DHX30: variants seen among roughly 807,000 people sequenced by gnomAD.
DHX30 encodes ATP-dependent RNA helicase DHX30.
A neutral mutation model predicts 116.9 loss-of-function variants in DHX30; 4 were observed. The observed-to-expected ratio is 0.03, with a 90% CI of 0.02 to 0.08. The LOEUF (loss-of-function observed/expected upper bound fraction) is 0.08, where lower values mean the gene tolerates loss of function less well. Ranked by LOEUF, DHX30 falls within the 10% of genes least tolerant of loss-of-function variation. DHX30 has a pLI of 1.00. For synonymous variants in DHX30, 697 were observed against 651.7 expected (o/e 1.07, Z -1.06); for missense variants, 871 against 1,595.1 (o/e 0.55, Z 7.73).
At chr3:47,805,827 C>G (rs1382643976) in intron 2 of DHX30, among the ~76,000 whole-genome samples, 1 of 152,160 alleles carries the variant, frequency 6.6e-6, no homozygotes, top group Non-Finnish European at 1.5e-5. Context: ...AGGCATGAGC[C>G]ACTGTGCCCA....
At chr3:47,816,970 C>T in intron 3 of DHX30, 4 of 984,196 alleles carry the variant, frequency 4.1e-6, no homozygotes, top group Non-Finnish European at 4.8e-6. Context: ...GATTATAATT[C>T]TACTCCTGCT....
At chr3:47,829,204 T>G in intron 6 of DHX30, 70 bp downstream of exon 6, 1 of 807,750 alleles carries the variant, frequency 1.2e-6, no homozygotes, top group Non-Finnish European at 1.9e-6. Context: ...TTTTTATTGG[T>G]AGAGGTTGGC....
At chr3:47,834,890 G>A (rs916191549) in intron 6 of DHX30, among the ~76,000 whole-genome samples, 32 of 152,208 alleles carry the variant, frequency 2.1e-4, no homozygotes, top group African/African-American at 6.3e-4. Flanking sequence ...TGGGAGTGCA[G>A]ACATCCCTAT....
At chr3:47,838,398 C>T (rs1007812754) in intron 6 of DHX30, among the ~76,000 whole-genome samples, 4 of 152,212 alleles carry the variant, frequency 2.6e-5, no homozygotes, top group African/African-American at 9.7e-5. Context: ...CATCCAGGAA[C>T]ATATATCTCC....
chr3:47,833,300 G>A (rs866828489), intron 6 of DHX30, among the ~76,000 whole-genome samples: 2 of 151,902 alleles, frequency 1.3e-5, no homozygotes, highest in Non-Finnish European at 2.9e-5. Context: ...TGAAGTAGGC[G>A]GATCACTTGA....
intron 2 of DHX30, among the ~76,000 whole-genome samples, chr3:47,805,947 A>G (rs1286291430): frequency 6.6e-6 from 1 of 152,118 alleles, no homozygotes; most frequent in African/African-American, 2.4e-5. Context: ...ATCTTGATAT[A>G]ATAGCATTTT....
At chr3:47,826,995 T>C (rs1168957381) in intron 4 of DHX30, among the ~76,000 whole-genome samples, 1 of 152,164 alleles carries the variant, frequency 6.6e-6, no homozygotes, top group East Asian at 1.9e-4. Context: ...TGCTTGTTTG[T>C]TTAGTGTCTT....
rs1576518621 is a variant in DHX30, at chr3:47,846,941, A to G, written c.1869A>G (p.Leu623=). The part of the protein sequence containing the change: ...GFMYPVKEHY[L]EDILAKLGKH... ...TGTACCCAGTCAAGGAGCACTACCTAGAGGACATCCTGGCCAAGTTGGGCA... is the reference window on the plus strand; with the variant it reads ...TGTACCCAGTCAAGGAGCACTACCTGGAGGACATCCTGGCCAAGTTGGGCA... The change falls in exon 11 of 22, where the codon CTA becomes CTG. Residue 623 remains leucine, a synonymous_variant. Coordinates refer to ENST00000445061, the MANE Select transcript of DHX30 (RefSeq NM_138615.3). 6.2e-7 allele frequency: 1 copy of G among 1,613,650 alleles called. No individual in the cohort carries two copies.
At chr3:47,826,404 A>G (rs1432701484) in intron 4 of DHX30, among the ~76,000 whole-genome samples, 12 of 151,036 alleles carry the variant, frequency 7.9e-5, no homozygotes, top group African/African-American at 2.7e-4. Context: ...AACTTGGGGG[A>G]GGAGTAATTC....
chr3:47,813,891 CTT>C (rs71070233), intron 3 of DHX30, among the ~76,000 whole-genome samples: 2 of 80,590 alleles, frequency 2.5e-5, no homozygotes, highest in Non-Finnish European at 4.9e-5. Context: ...TCATCCTGGG[CTT>C]TTTTTTTTTT....
chr3:47,829,586 C>T (rs558253806), intron 6 of DHX30, among the ~76,000 whole-genome samples: 1 of 151,802 alleles, frequency 6.6e-6, no homozygotes, highest in South Asian at 2.1e-4. Context: ...TCAAGTGATC[C>T]ACCTGCCTAG....
At chr3:47,832,992 C>A (rs1322267367) in intron 6 of DHX30, among the ~76,000 whole-genome samples, 1 of 129,004 alleles carries the variant, frequency 7.8e-6, no homozygotes, top group Non-Finnish European at 1.6e-5. Flanking sequence ...GCTATGTTGT[C>A]TAGGCTGGTC....
intron 6 of DHX30, among the ~76,000 whole-genome samples, 155 bp from the exon 7 acceptor site, chr3:47,840,722 G>A (rs1272421699): frequency 1.3e-5 from 2 of 152,328 alleles, no homozygotes; most frequent in East Asian, 3.9e-4. Flanking sequence ...ATCTTTGAGA[G>A]TTCCATGCCC....
intron 4 of DHX30, among the ~76,000 whole-genome samples, chr3:47,823,878 A>G (rs2036410930): frequency 1.3e-5 from 2 of 152,176 alleles, no homozygotes; most frequent in Non-Finnish European, 2.9e-5. Flanking sequence ...CTGTCAGAAA[A>G]GAGTGCTATC....
rs1458506057 is a variant in DHX30, at chr3:47,827,327, T to C, written c.125-20T>C. 1.3e-6 allele frequency: 2 copies of C among 1,596,070 alleles called. No homozygotes were observed. Among genetic ancestry groups the C allele is most frequent in the African/African-American group, 1.4e-5 (1 of 73,676 alleles). The stretch of plus-strand genomic sequence containing the variant: ...AAAAGAAAAAGAACAACTGTAATGC[T>C]TTTGTTCTTATTTTCTTAGCTTCTA... On this transcript the variant is annotated intron_variant, in intron 4 of 21. Transcript: ENST00000445061.
intron 3 of DHX30, among the ~76,000 whole-genome samples, chr3:47,813,475 G>GT (rs1283133200): frequency 6.6e-6 from 1 of 152,246 alleles, no homozygotes; most frequent in Non-Finnish European, 1.5e-5. Context: ...TTTATAGGAG[G>GT]TAAAGTAGCC....
chr3:47,806,082 C>G (rs1459379288), intron 2 of DHX30, among the ~76,000 whole-genome samples: 2 of 151,920 alleles, frequency 1.3e-5, no homozygotes, highest in Non-Finnish European at 1.5e-5. Context: ...ACCTCCACCT[C>G]CTTAGTTCAA....
Position 47,846,665 on chromosome 3 carries a change from C to T in DHX30, c.1593C>T (p.Ala531=), listed in dbSNP as rs372319935. 9.3e-6 allele frequency: 15 copies of T among 1,613,954 alleles called. No homozygotes were observed. The African/African-American group carries it at 2.0e-4, about 22-fold the overall frequency. Residue 531 remains alanine (A), a synonymous_variant, in exon 11 of 22, where the codon GCC becomes GCT. Transcript: ENST00000445061. The part of the protein sequence containing the change: ...LESKPPSRGG[A]LLFCTVGILL... ...GTAAGCCCCCATCCCGAGGCGGGGC[C>T]CTGCTCTTCTGCACTGTGGGTATCC...
chr3:47,837,255 G>A (rs546181996), intron 6 of DHX30, among the ~76,000 whole-genome samples: 3 of 152,328 alleles, frequency 2.0e-5, no homozygotes, highest in Admixed American at 2.0e-4. Context: ...GCGGTAGACG[G>A]GCAGGGAGGA....
Sources: allele counts gnomAD v4.1 joint callset (sites outside exome capture counted in the v4.1 genomes callset), GRCh38; gene constraint gnomAD v4.1.1; transcripts MANE v1.5; gene names NCBI Gene and HGNC (gene_info 2026-07-23, HGNC 2026-07-21).